The following DOK5 variants were observed in gnomAD, a reference collection of about 807,000 sequenced individuals.
The protein encoded by DOK5 is downstream of tyrosine kinase 5.
DOK5 carries 27 observed loss-of-function variants against 43.3 expected under a neutral mutation model. That is an observed-to-expected ratio of 0.62 (90% confidence interval 0.46 to 0.86). DOK5 has a LOEUF of 0.86. Among genes scored for constraint, DOK5 ranks in the 40% least tolerant of loss-of-function variants. The pLI, the probability that DOK5 is intolerant of heterozygous loss-of-function variation, is 0.00. For synonymous variants in DOK5, 146 were observed against 140.1 expected (o/e 1.04, Z -0.30); for missense variants, 373 against 392.9 (o/e 0.95, Z 0.43).
intron 1 of DOK5, among the ~76,000 whole-genome samples, chr20:54,481,708 T>C (rs1204392831): frequency 2.0e-5 from 3 of 152,218 alleles, no homozygotes; most frequent in Non-Finnish European, 4.4e-5. Flanking sequence ...GTGGAATAAA[T>C]TAATGACCCC....
In DOK5 at chr20:54,591,857, T is replaced by A. The variant is rs758076281; in HGVS notation, c.599+52T>A. ...TTTTTCTGTTTGTGTGTGTGTGTGT[T>A]CATTTTTACCATGCTCGCATCATAT... is the stretch of plus-strand genomic sequence containing the variant. On this transcript the variant is annotated intron_variant, in intron 5 of 7. Transcript: ENST00000262593. 4 of 1,491,978 alleles carry A rather than the reference T, an allele frequency of 2.7e-6. No homozygotes were observed. The African/African-American group carries it at 5.5e-5, about 21-fold the overall frequency. The allele number at this position is 1,491,978 out of a possible 1,614,324, so 92.4% of individuals were successfully genotyped here.
In DOK5 at chr20:54,475,903, G is replaced by T; in HGVS notation, c.-44G>T. 6.2e-7 allele frequency: 1 copy of T among 1,608,120 alleles called. No homozygotes were observed. Among genetic ancestry groups the T allele is most frequent in the Non-Finnish European group, 8.5e-7 (1 of 1,178,190 alleles). ...CCTCCACCCTCCCCAGAGCCACTTC[G>T]GGTGCGCGCTCTTGGGTAAAGGGGG... is the stretch of plus-strand genomic sequence containing the variant. On this transcript the variant is annotated 5_prime_UTR_variant, in exon 1 of 8. Coordinates refer to ENST00000262593, the MANE Select transcript of DOK5 (RefSeq NM_018431.5). The surrounding 1 kb of genome is among the most constrained non-coding windows in gnomAD (Gnocchi z 4.2).
intron 7 of DOK5, among the ~76,000 whole-genome samples, chr20:54,648,316 C>T (rs1344603837): frequency 6.6e-6 from 1 of 152,216 alleles, no homozygotes; most frequent in East Asian, 1.9e-4. Flanking sequence ...AGCTTATAAT[C>T]TAATGGAGAG....
intron 2 of DOK5, among the ~76,000 whole-genome samples, chr20:54,585,027 A>G (rs1019986062): frequency 1.3e-5 from 2 of 152,202 alleles, no homozygotes; most frequent in Admixed American, 1.3e-4. Flanking sequence ...AAATTTAGTT[A>G]TCATAAGTAT....
intron 6 of DOK5, among the ~76,000 whole-genome samples, chr20:54,639,803 C>T (rs1979018572): frequency 6.6e-6 from 1 of 152,188 alleles, no homozygotes; most frequent in African/African-American, 2.4e-5. Context: ...ATTCCTATGG[C>T]ATATTTCTGG....
intron 5 of DOK5, among the ~76,000 whole-genome samples, chr20:54,608,961 C>T (rs1292560040): frequency 6.6e-6 from 1 of 152,144 alleles, no homozygotes; most frequent in Non-Finnish European, 1.5e-5. Context: ...AGGTGTGAGC[C>T]ACCACACCCA....
intron 2 of DOK5, among the ~76,000 whole-genome samples, chr20:54,561,178 T>C (rs1221682334): frequency 6.6e-6 from 1 of 152,168 alleles, no homozygotes; most frequent in Non-Finnish European, 1.5e-5. Flanking sequence ...TTCTCGACTT[T>C]CCCTGAGGTG....
chr20:54,588,867 A>C (rs1985895681), intron 4 of DOK5, 61 bp downstream of exon 4: 18 of 1,564,192 alleles, frequency 1.2e-5, no homozygotes, highest in Non-Finnish European at 1.6e-5. Flanking sequence ...ATATGATAAA[A>C]CATAAGACAT....
chr20:54,582,233 T>C (rs1985669139), intron 2 of DOK5, among the ~76,000 whole-genome samples: 1 of 152,048 alleles, frequency 6.6e-6, no homozygotes, highest in Admixed American at 6.5e-5. Context: ...ATATTATCCA[T>C]TTAATATGCT....
intron 1 of DOK5, among the ~76,000 whole-genome samples, chr20:54,530,718 G>A (rs1459712668): frequency 2.0e-5 from 3 of 152,092 alleles, no homozygotes; most frequent in African/African-American, 7.2e-5. Flanking sequence ...CCATGTGCAC[G>A]TTAATAAATT....
At chr20:54,621,551 T>A (rs538524325) in intron 6 of DOK5, among the ~76,000 whole-genome samples, 89 of 152,222 alleles carry the variant, frequency 5.8e-4, no homozygotes, top group African/African-American at 2.0e-3. Context: ...TAGCCAGGCA[T>A]GGTGGCAGGT....
chr20:54,629,992 G>T (rs1439530375), intron 6 of DOK5, among the ~76,000 whole-genome samples: 1 of 152,226 alleles, frequency 6.6e-6, no homozygotes, highest in African/African-American at 2.4e-5. Context: ...GTCAGACCCT[G>T]TAGCTATGAG....
rs1288063409 is a variant in DOK5 at position 54,651,150 on chromosome 20, A to G, written c.*671A>G. On this transcript the variant is annotated 3_prime_UTR_variant, in exon 8 of 8. Transcript: ENST00000262593. Reference sequence around the variant, plus strand: ...GTCTCTTCATAAAACATTTGAAAATAAAAGATCATTCTTCACCCATATGTT... The same window carrying G: ...GTCTCTTCATAAAACATTTGAAAATGAAAGATCATTCTTCACCCATATGTT... 6.6e-6 allele frequency: 1 copy of G among 152,242 alleles called. No homozygotes were observed. Among genetic ancestry groups the G allele is most frequent in the South Asian group, 2.1e-4 (1 of 4,838 alleles). The allele number at this position is 152,242 out of a possible 1,614,324, so 9.4% of individuals were successfully genotyped here. A position where few individuals can be genotyped will look rare whatever the true frequency, so the allele number is the denominator to read the frequency against.
chr20:54,518,976 G>A (rs1983298240), intron 1 of DOK5, among the ~76,000 whole-genome samples: 2 of 152,214 alleles, frequency 1.3e-5, no homozygotes, highest in Non-Finnish European at 2.9e-5. Flanking sequence ...CTGGCCGTCA[G>A]AGAGATGCAA....
chr20:54,483,327 A>T (rs1981800982), intron 1 of DOK5, among the ~76,000 whole-genome samples: 1 of 152,154 alleles, frequency 6.6e-6, no homozygotes, highest in Non-Finnish European at 1.5e-5. Context: ...GTATTTTAAG[A>T]ACTTAGTTTT....
rs967379595 is a variant in DOK5 at position 54,569,800 on chromosome 20, T to C, written c.174+14760T>C. Reference sequence around the variant, plus strand: ...CACATGGACAAATAAAGAGCCACTCTTCAAGGAGACGTCCACATTTATAAC... The same window carrying C: ...CACATGGACAAATAAAGAGCCACTCCTCAAGGAGACGTCCACATTTATAAC... On this transcript the variant is annotated intron_variant, in intron 2 of 7. Coordinates refer to ENST00000262593, the MANE Select transcript of DOK5 (RefSeq NM_018431.5). Among the ~76,000 whole-genome samples, 7 of 152,348 alleles carry C rather than the reference T, an allele frequency of 4.6e-5. No individual in the cohort carries two copies. The East Asian group carries it at 1.3e-3, about 29-fold the overall frequency.
rs1038345644 is a variant in DOK5 at position 54,584,776 on chromosome 20, C to T, written c.175-3707C>T. Among the ~76,000 whole-genome samples the T allele has an allele frequency of 5.6e-5, 8 of 143,450 alleles. No individual in the cohort carries two copies. The East Asian group carries it at 1.4e-3, about 25-fold the overall frequency. The allele number at this position is 143,450 out of a possible 152,430, so 94.1% of individuals were successfully genotyped here. A position where few individuals can be genotyped will look rare whatever the true frequency, so the allele number is the denominator to read the frequency against. Reference sequence around the variant, plus strand: ...GTGTGTGTATATATATCTAGATATACACACACACACACACACACACACCTT... The same window carrying T: ...GTGTGTGTATATATATCTAGATATATACACACACACACACACACACACCTT... On this transcript the variant is annotated intron_variant, in intron 2 of 7. Transcript: ENST00000262593.
intron 1 of DOK5, among the ~76,000 whole-genome samples, chr20:54,554,352 T>C (rs766875186): frequency 2.6e-5 from 4 of 152,248 alleles, no homozygotes; most frequent in African/African-American, 4.8e-5. Context: ...CCTACCAGCA[T>C]TGACCTTTCA....
At chr20:54,574,167 T>C (rs949273276) in intron 2 of DOK5, among the ~76,000 whole-genome samples, 3 of 152,118 alleles carry the variant, frequency 2.0e-5, no homozygotes, top group African/African-American at 7.2e-5. Context: ...GGGGAGGTTT[T>C]GAAGGCCCAG....
Sources: gnomAD v4.1 joint callset for allele counts (sites outside exome capture counted in the v4.1 genomes callset) on GRCh38, gnomAD v4.1.1 for gene constraint, Gnocchi (gnomAD v3.1) non-coding constraint, MANE v1.5 for transcripts, NCBI Gene and HGNC (gene_info 2026-07-23, HGNC 2026-07-21) for gene names.